The following POM121 variants were observed in gnomAD, a reference collection of about 807,000 sequenced individuals.
POM121 encodes the protein POM121 transmembrane nucleoporin.
Under a neutral mutation model 81.3 loss-of-function variants are expected in POM121, and 32 were observed. That is an observed-to-expected ratio of 0.39 (90% CI 0.30 to 0.53). POM121 has a LOEUF of 0.53. Ranked by LOEUF, POM121 falls within the 20% of genes least tolerant of loss-of-function variation. POM121 has a pLI of 0.66. For synonymous variants in POM121, 514 were observed against 694.2 expected (o/e 0.74, Z 4.08); for missense variants, 1,138 against 1,614.6 (o/e 0.70, Z 5.06).
chr7:72,911,348 T>C (rs1228154088), intron 3 of POM121, among the ~76,000 whole-genome samples: 2 of 152,238 alleles, frequency 1.3e-5, no homozygotes, highest in East Asian at 3.8e-4. Flanking sequence ...GGTGTGCTTA[T>C]TCCATCTCCT....
intron 3 of POM121, among the ~76,000 whole-genome samples, chr7:72,905,690 A>G (rs1281977002): frequency 6.6e-6 from 1 of 152,204 alleles, no homozygotes; most frequent in Non-Finnish European, 1.5e-5. Context: ...ACAGAGCGAG[A>G]TTCCATCTCA....
In POM121 at chr7:72,925,640, C is replaced by T. The variant is rs1268963538; in HGVS notation, c.519C>T (p.Arg173=). Residue 173 remains arginine (R), a synonymous_variant, in exon 1 of 13, where the codon CGC becomes CGT. Coordinates refer to ENST00000434423, the MANE Select transcript of POM121 (RefSeq NM_001387691.1). ...GRRPPARPAP[R]SPPPRSPPPR... ...GCCCACCTGCCCGCCCGGCGCCGCG[C>T]TCCCCACCGCCGCGCTCCCCACCGC... The T allele has an allele frequency of 4.9e-6, 5 of 1,027,684 alleles. No homozygotes were observed. In the African/African-American group the frequency reaches 8.2e-5, roughly 17 times the overall value. The allele number at this position is 1,027,684 out of a possible 1,614,324, so 63.7% of individuals were successfully genotyped here.
intron 5 of POM121, among the ~76,000 whole-genome samples, chr7:72,933,963 C>T (rs1197510475): frequency 1.3e-5 from 2 of 152,020 alleles, no homozygotes; most frequent in African/African-American, 4.8e-5. Context: ...TGTATAGTAT[C>T]CTCTATTATT....
At position 72,926,432 on chromosome 7, in the gene POM121, C is replaced by T. The variant is rs781922742; in HGVS notation, c.815C>T (p.Thr272Ile). Reference protein sequence around the residue: ...RNSRMVCSPVTVRIAPPDRRF... With the variant: ...RNSRMVCSPVIVRIAPPDRRF... ...TCCAGGATGGTGTGTAGCCCAGTGA[C>T]TGTGAGGATCGCCCCTCCTGACAGA... Residue 272 changes from threonine (T) to isoleucine (I), a missense_variant, in exon 2 of 13, where the codon ACT (threonine) becomes ATT (isoleucine). Thr to Ile is a moderately conservative substitution (Grantham distance 89). Transcript: ENST00000434423. 6.2e-6 allele frequency: 10 copies of T among 1,613,890 alleles called. No homozygotes were observed. The Admixed American group carries it at 1.7e-4, about 27-fold the overall frequency.
At position 72,908,928 on chromosome 7, in the gene POM121, T is replaced by G. The variant is rs60363136; in HGVS notation, c.-215-4837T>G. 6.6e-4 allele frequency among the ~76,000 whole-genome samples: 100 copies of G among 152,236 alleles called. 1 individual carries two copies. The highest frequency in any genetic ancestry group is 2.4e-3 in the African/African-American group (99 of 41,542). On this transcript the variant is annotated intron_variant, in intron 3 of 15. Transcript: ENST00000395270. ...TGCAGTTAACGTAATCATCACAGGG[T>G]CCTGAGGCGACATACATCCTCAGTT...
intron 3 of POM121, among the ~76,000 whole-genome samples, chr7:72,894,823 G>A (rs1425473665): frequency 6.6e-6 from 1 of 151,936 alleles, no homozygotes; most frequent in African/African-American, 2.4e-5. Flanking sequence ...ACCATGCCTG[G>A]CTAATTTTAA....
Position 72,946,632 on chromosome 7 carries a change from C to T in POM121, c.*398C>T. ...CCAGCCCGCCTGGATCGGTGGTGTG[C>T]ACCTGATGGGATTTGGGAAATGGGC... On this transcript the variant is annotated 3_prime_UTR_variant, in exon 13 of 13. Transcript: ENST00000434423. 9.9e-7 allele frequency: 1 copy of T among 1,006,742 alleles called. No individual in the cohort carries two copies. Among genetic ancestry groups the T allele is most frequent in the Non-Finnish European group, 1.2e-6 (1 of 844,134 alleles). 62.4% of individuals were successfully genotyped at this position (1,006,742 alleles called of 1,614,324 possible).
chr7:72,948,416 C>T, downstream of POM121: 1 of 1,613,314 alleles, frequency 6.2e-7, no homozygotes, highest in Non-Finnish European at 8.5e-7. Context: ...CGGTGAGGGC[C>T]CAGGGTCTTC....
At chr7:72,949,892 G>A (rs782652315), downstream of POM121, 2 of 1,608,122 alleles carry the variant, frequency 1.2e-6, no homozygotes, top group Non-Finnish European at 1.7e-6. Flanking sequence ...TTTATTGCCT[G>A]GGGTGGCACA....
intron 5 of POM121, among the ~76,000 whole-genome samples, chr7:72,934,502 C>T (rs1796326877): frequency 6.6e-6 from 1 of 152,084 alleles, no homozygotes; most frequent in African/African-American, 2.4e-5. Context: ...ATTCTACTTC[C>T]TTGTGGTTAG....
intron 3 of POM121, among the ~76,000 whole-genome samples, chr7:72,910,439 A>G (rs1426572441): frequency 6.6e-6 from 1 of 152,158 alleles, no homozygotes; most frequent in Admixed American, 6.5e-5. Context: ...GGAACGGGAA[A>G]TGGGTTGGAG....
intron 10 of POM121, among the ~76,000 whole-genome samples, 195 bp downstream of exon 10, chr7:72,941,188 G>A (rs1169662175): frequency 2.7e-5 from 4 of 150,898 alleles, no homozygotes; most frequent in South Asian, 2.1e-4. Flanking sequence ...GGGGTGCTGC[G>A]ACGCTCAGGA....
intron 3 of POM121, among the ~76,000 whole-genome samples, chr7:72,897,367 A>G (rs1554491861): frequency 6.6e-6 from 1 of 152,188 alleles, no homozygotes; most frequent in East Asian, 1.9e-4. Context: ...TATGCATGGC[A>G]TGTTTAGAAC....
chr7:72,949,224 G>C, downstream of POM121: 1 of 898,906 alleles, frequency 1.1e-6, no homozygotes, highest in Non-Finnish European at 1.9e-6. Context: ...GCCCATTAAA[G>C]TGTCAGAACT....
chr7:72,918,013 C>T (rs1232167067), intron 4 of POM121, among the ~76,000 whole-genome samples: 13 of 152,136 alleles, frequency 8.5e-5, no homozygotes, highest in Non-Finnish European at 1.3e-4. Flanking sequence ...ATAGCTTACG[C>T]CATTATTTCT....
At chr7:72,904,175 A>T (rs1793001639) in intron 3 of POM121, among the ~76,000 whole-genome samples, 1 of 152,180 alleles carries the variant, frequency 6.6e-6, no homozygotes, top group Non-Finnish European at 1.5e-5. Context: ...CCACAGATGA[A>T]AGCTCAGCAT....
intron 3 of POM121, among the ~76,000 whole-genome samples, chr7:72,903,992 G>A (rs1264601543): frequency 1.3e-5 from 2 of 152,050 alleles, no homozygotes; most frequent in Non-Finnish European, 2.9e-5. Flanking sequence ...TAGTAGAGAC[G>A]GGGGTTTCAC....
intron 3 of POM121, among the ~76,000 whole-genome samples, chr7:72,909,054 G>A (rs1177882778): frequency 2.6e-5 from 4 of 152,170 alleles, no homozygotes; most frequent in Non-Finnish European, 4.4e-5. Context: ...CACAATTTAT[G>A]TTCAGAGATT....
chr7:72,896,929 T>C (rs1297419172), intron 3 of POM121, among the ~76,000 whole-genome samples: 1 of 152,276 alleles, frequency 6.6e-6, no homozygotes, highest in African/African-American at 2.4e-5. Context: ...CACTAAAATA[T>C]ATGTGTCAAG....
Sources: allele counts gnomAD v4.1 joint callset (sites outside exome capture counted in the v4.1 genomes callset), GRCh38; gene constraint gnomAD v4.1.1; transcripts MANE v1.5; gene names NCBI Gene and HGNC (gene_info 2026-07-23, HGNC 2026-07-21).